MGAM2: variants seen among roughly 807,000 people sequenced by gnomAD.
MGAM2 encodes maltase-glucoamylase 2 (putative), also known as probable maltase-glucoamylase 2.
Under a neutral mutation model 96.1 loss-of-function variants are expected in MGAM2, and 98 were observed. The observed-to-expected ratio is 1.02, with a 90% confidence interval of 0.87 to 1.21. MGAM2 has a LOEUF of 1.21. MGAM2 is among the 50% of genes most tolerant of loss of function. The pLI is 0.00. For missense variants in MGAM2, 2,055 were observed against 1,182.4 expected, an observed-to-expected ratio of 1.74 and a Z score of -10.82; for synonymous variants, 749 against 414.8, an observed-to-expected ratio of 1.81 and a Z score of -9.79.
chr7:142,188,669 T>C (rs191321140), intron 36 of MGAM2, among the ~76,000 whole-genome samples: 1 of 152,312 alleles, frequency 6.6e-6, no homozygotes, highest in Non-Finnish European at 1.5e-5. Context: ...AACCTTACAA[T>C]GGTAAGAAAG....
rs185345117 is a variant in MGAM2, at chr7:142,220,803, G to A, written c.6292G>A (p.Val2098Ile). 158 of 702,072 alleles carry A rather than the reference G, an allele frequency of 2.3e-4. No homozygotes were observed. The highest frequency in any genetic ancestry group is 7.2e-4 in the African/African-American group (41 of 57,186). 43.5% of individuals were successfully genotyped at this position (702,072 alleles called of 1,614,324 possible). The change falls in exon 48 of 48, where the codon GTT becomes ATT. Residue 2098 changes from valine to isoleucine, a missense_variant. Transcript: ENST00000477922. ...TACTACTGTGAGTACTATTGCTACC[G>A]TTCCCATTTCAGTGACTCCTTCTCT... ...SSTTVSTIAT[V>I]PISVTPSLTS...
chr7:142,142,006 G>T (rs1012619747), intron 12 of MGAM2, among the ~76,000 whole-genome samples: 22 of 152,284 alleles, frequency 1.4e-4, no homozygotes, highest in African/African-American at 4.6e-4. Context: ...TACTCAAATT[G>T]TTGCTTCATC....
chr7:142,133,217 T>C (rs1794958590), intron 6 of MGAM2, among the ~76,000 whole-genome samples: 1 of 142,754 alleles, frequency 7.0e-6, no homozygotes, highest in East Asian at 2.0e-4. Flanking sequence ...TATATAAATA[T>C]ATATTTTACA....
Position 142,143,825 on chromosome 7 carries a change from G to T in MGAM2, c.1374G>T (p.Trp458Cys). Residue 458 changes from tryptophan (W) to cysteine (C), a missense_variant, in exon 13 of 48, where the codon TGG becomes TGT. Physicochemically the swap from Trp to Cys is radical, Grantham distance 215 (BLOSUM62 -2). Coordinates refer to ENST00000477922, the MANE Select transcript of MGAM2 (RefSeq NM_001293626.2). ...PDYTNPVCTEWWTDQVAKFHD... is the reference protein window; with the variant it reads ...PDYTNPVCTECWTDQVAKFHD... ...ATACCAATCCAGTATGCACTGAGTGGTGGACAGATCAGGTCGCTAAATTTC... is the reference window on the plus strand; with the variant it reads ...ATACCAATCCAGTATGCACTGAGTGTTGGACAGATCAGGTCGCTAAATTTC... The T allele has an allele frequency of 1.4e-6, 1 of 702,750 alleles. No individual in the cohort carries two copies. Among genetic ancestry groups the T allele is most frequent in the Non-Finnish European group, 2.6e-6 (1 of 384,808 alleles). The allele number at this position is 702,750 out of a possible 1,614,324, so 43.5% of individuals were successfully genotyped here.
rs944205936 is a variant in MGAM2, at chr7:142,148,262, C to T, written c.1634+689C>T. Among the ~76,000 whole-genome samples, 1 of 151,454 alleles carries T rather than the reference C, an allele frequency of 6.6e-6. No individual in the cohort carries two copies. The highest frequency in any genetic ancestry group is 2.4e-5 in the African/African-American group (1 of 41,214). Reference sequence around the variant, plus strand: ...CCACCACCACAGTTATCACCACCATCCCCCCCACCACCACAATCACTATCA... The same window carrying T: ...CCACCACCACAGTTATCACCACCATTCCCCCCACCACCACAATCACTATCA... On this transcript the variant is annotated intron_variant, in intron 15 of 47. Coordinates refer to ENST00000477922, the MANE Select transcript of MGAM2 (RefSeq NM_001293626.2). The surrounding 1 kb of genome is among the most constrained non-coding windows in gnomAD (Gnocchi z 4.2).
At chr7:142,179,196 A>C (rs1455371983) in intron 32 of MGAM2, among the ~76,000 whole-genome samples, 1 of 152,174 alleles carries the variant, frequency 6.6e-6, no homozygotes, top group African/African-American at 2.4e-5. Flanking sequence ...TAATTTTTGT[A>C]CATTAATTTT....
chr7:142,144,068 T>C (rs1374230482), intron 13 of MGAM2, 186 bp downstream of exon 13: 1 of 415,680 alleles, frequency 2.4e-6, no homozygotes, highest in Non-Finnish European at 4.3e-6. Flanking sequence ...GAGCCTTAGG[T>C]TCTTATCCTG....
Position 142,221,116 on chromosome 7 carries a change from C to T in MGAM2, c.6605C>T (p.Thr2202Ile). 1.4e-6 allele frequency: 1 copy of T among 702,476 alleles called. No individual in the cohort carries two copies. The highest frequency in any genetic ancestry group is 2.7e-5 in the East Asian group (1 of 37,248). The allele number at this position is 702,476 out of a possible 1,614,324, so 43.5% of individuals were successfully genotyped here. Residue 2202 changes from threonine to isoleucine, a missense_variant, in exon 48 of 48, where the codon ACC becomes ATC. Physicochemically the swap from Thr to Ile is moderately conservative, Grantham distance 89. Coordinates refer to ENST00000477922, the MANE Select transcript of MGAM2 (RefSeq NM_001293626.2). ...DTTSNSFSIM[T>I]TSFSESTNAM... ...ACTAGCAACAGTTTTTCCATTATGA[C>T]CACTTCTTTCTCTGAAAGTACTAAT...
chr7:142,128,642 G>T (rs532040601), intron 3 of MGAM2, among the ~76,000 whole-genome samples: 2 of 152,336 alleles, frequency 1.3e-5, no homozygotes, highest in South Asian at 2.1e-4. Flanking sequence ...CTCGGGCCAT[G>T]GCTTCAGAGT....
chr7:142,128,619 G>T (rs1010788940), intron 3 of MGAM2, among the ~76,000 whole-genome samples: 3 of 152,186 alleles, frequency 2.0e-5, no homozygotes, highest in Non-Finnish European at 4.4e-5. Flanking sequence ...GGCTAAAAGG[G>T]ACAAAAGTAC....
Position 142,166,247 on chromosome 7 carries a change from T to C in MGAM2, c.2802T>C (p.Leu934=). 1.4e-6 allele frequency: 1 copy of C among 698,942 alleles called. No individual in the cohort carries two copies. The highest frequency in any genetic ancestry group is 2.7e-5 in the East Asian group (1 of 37,188). 43.3% of individuals were successfully genotyped at this position (698,942 alleles called of 1,614,324 possible). The change falls in exon 25 of 48, where the codon CTT becomes CTC. Residue 934 remains leucine, a synonymous_variant. Transcript: ENST00000477922. ...SEESCRQRGC[L]WEDTSTPGVP... ...AGAGTTGTAGGCAGCGGGGGTGTCT[T>C]TGGGAGGTAAATGACCAGAAACAGA...
intron 26 of MGAM2, among the ~76,000 whole-genome samples, chr7:142,169,144 C>T (rs943867938): frequency 5.9e-5 from 9 of 152,194 alleles, no homozygotes; most frequent in African/African-American, 1.7e-4. Context: ...AGAAAACCTT[C>T]ACCTGGCAAG....
At chr7:142,218,844 A>C (rs1274657446) in intron 47 of MGAM2, among the ~76,000 whole-genome samples, 1 of 152,188 alleles carries the variant, frequency 6.6e-6, no homozygotes, top group Non-Finnish European at 1.5e-5. Context: ...TAGCAAAATA[A>C]AACTTATTTC....
intron 45 of MGAM2, among the ~76,000 whole-genome samples, chr7:142,206,020 C>G (rs1797389933): frequency 6.6e-6 from 1 of 151,950 alleles, no homozygotes; most frequent in Admixed American, 6.6e-5. Flanking sequence ...TACAGTTGTC[C>G]CAGAATCATC....
chr7:142,211,873 C>G (rs10279689), intron 46 of MGAM2, among the ~76,000 whole-genome samples: 13,248 of 152,048 alleles, frequency 0.087, 982 homozygotes, highest in African/African-American at 0.2. Flanking sequence ...AAGAGCAACC[C>G]CACGACACAT....
intron 7 of MGAM2, among the ~76,000 whole-genome samples, chr7:142,134,938 A>AT (rs1795012292): frequency 6.6e-6 from 1 of 152,224 alleles, no homozygotes; most frequent in Non-Finnish European, 1.5e-5. Flanking sequence ...CTATAAAAGA[A>AT]TTTCTAAACT....
intron 46 of MGAM2, among the ~76,000 whole-genome samples, chr7:142,215,111 G>A: frequency 6.6e-6 from 1 of 152,140 alleles, no homozygotes; most frequent in East Asian, 1.9e-4. Flanking sequence ...CCATGGAATA[G>A]TATGCAGCCA....
chr7:142,189,460 A>G lies in MGAM2; in HGVS notation c.4301A>G (p.Asn1434Ser), dbSNP rs2129097207. ...LPDSSPVEHY[N>S]VHNLYGWSQT... ...GACAGCTCCCCCGTGGAGCACTACA[A>G]CGTGCACAACCTGTACGGGTGGTCC... Residue 1434 changes from asparagine to serine, a missense_variant, in exon 37 of 48, where the codon AAC (asparagine) becomes AGC (serine). Physicochemically the swap from Asn to Ser is conservative, Grantham distance 46 (BLOSUM62 1). Transcript: ENST00000477922. The G allele has an allele frequency of 4.7e-6, 4 of 854,064 alleles. No homozygotes were observed. Among genetic ancestry groups the G allele is most frequent in the South Asian group, 4.3e-5 (3 of 70,130 alleles). The allele number at this position is 854,064 out of a possible 1,614,324, so 52.9% of individuals were successfully genotyped here. A position where few individuals can be genotyped will look rare whatever the true frequency, so the allele number is the denominator to read the frequency against.
At position 142,164,849 on chromosome 7, in the gene MGAM2, C is replaced by T; in HGVS notation, c.2485-7C>T. On this transcript the variant is annotated splice_polypyrimidine_tract_variant and splice_region_variant and intron_variant, in intron 23 of 47. Coordinates refer to ENST00000477922, the MANE Select transcript of MGAM2 (RefSeq NM_001293626.2). ...GTTTCCAATCTGACTTTTTTTTCCC[C>T]TCCCAGAACCATCTACAAGCAAAGA... is the stretch of plus-strand genomic sequence containing the variant. 1 of 674,984 alleles carries T rather than the reference C, an allele frequency of 1.5e-6. No individual in the cohort carries two copies. Among genetic ancestry groups the T allele is most frequent in the Non-Finnish European group, 2.7e-6 (1 of 374,720 alleles). The allele number at this position is 674,984 out of a possible 1,614,324, so 41.8% of individuals were successfully genotyped here.
Sources: gnomAD v4.1 joint callset for allele counts (sites outside exome capture counted in the v4.1 genomes callset) on GRCh38, gnomAD v4.1.1 for gene constraint, Gnocchi (gnomAD v3.1) non-coding constraint, MANE v1.5 for transcripts, NCBI Gene and HGNC (gene_info 2026-07-23, HGNC 2026-07-21) for gene names.